Variants in SOX5 observed in about 807,000 individuals in gnomAD.
SOX5 encodes SRY-box transcription factor 5, also known as transcription factor SOX-5.
A neutral mutation model predicts 92.0 loss-of-function variants in SOX5; 9 were observed. The observed-to-expected ratio is 0.10, with a 90% CI of 0.06 to 0.17. SOX5 has a LOEUF of 0.17. SOX5 is among the 10% of genes least tolerant of loss of function. The pLI is 1.00. For missense variants in SOX5, 642 were observed against 944.5 expected, an observed-to-expected ratio of 0.68 and a Z score of 4.20; for synonymous variants, 344 against 336.3, an observed-to-expected ratio of 1.02 and a Z score of -0.25.
chr12:24,302,687 C>A (rs1286462701), intron 2 of SOX5, among the ~76,000 whole-genome samples: 2 of 151,776 alleles, frequency 1.3e-5, no homozygotes. Context: ...AGTTGCAGCC[C>A]ACAGCAAATG....
In SOX5 at chr12:23,670,810, C is replaced by CCAT. The variant is rs3030246; in HGVS notation, c.811-5247_811-5246insATG. On this transcript the variant is annotated intron_variant, in intron 6 of 14. Transcript: ENST00000451604. ...GTGAGAAATGAAAGAGCAAGCAAAA[C>CCAT]CACAGACATTAAAAAGAGTGATAGA... is the stretch of plus-strand genomic sequence containing the variant. Among the ~76,000 whole-genome samples, 1,612 of 151,624 alleles carry CCAT rather than the reference C, an allele frequency of 0.011. 68 individuals carry two copies. The East Asian group carries it at 0.14, about 14-fold the overall frequency.
intron 5 of SOX5, 35 bp downstream of exon 5, chr12:23,740,832 T>G: frequency 6.4e-7 from 1 of 1,565,690 alleles, no homozygotes; most frequent in Non-Finnish European, 8.7e-7. Flanking sequence ...AAGTAATGTC[T>G]GAGGAATATG....
intron 2 of SOX5, among the ~76,000 whole-genome samples, chr12:24,361,761 A>C (rs1955589888): frequency 6.6e-6 from 1 of 152,182 alleles, no homozygotes; most frequent in African/African-American, 2.4e-5. Flanking sequence ...GACAGGACAA[A>C]CTGAGCCCTG....
Position 23,932,308 on chromosome 12 carries a change from G to A in SOX5, c.38+17256C>T, listed in dbSNP as rs572897287. Among the ~76,000 whole-genome samples, 9 of 151,726 alleles carry A rather than the reference G, an allele frequency of 5.9e-5. No homozygotes were observed. In the East Asian group the frequency reaches 1.7e-3, roughly 29 times the overall value. On this transcript the variant is annotated intron_variant, in intron 1 of 14. Coordinates refer to ENST00000451604, the MANE Select transcript of SOX5 (RefSeq NM_006940.6). ...ATGTCAATGTCAAGGCAAAGAGATG[G>A]CAGGGTGCTATTTATACTTTAAAGG...
intron 4 of SOX5, among the ~76,000 whole-genome samples, chr12:23,976,398 C>CAAAAAAAAAAAAAAAAAAAAAAAA (rs139277769): frequency 9.4e-6 from 1 of 106,776 alleles, no homozygotes; most frequent in Admixed American, 1.1e-4. Context: ...ATTAAAAAAA[C>CAAAAAAAAAAAAAAAAAAAAAAAA]AAAAAAACAA....
At chr12:23,610,645 T>C (rs1281665891) in intron 8 of SOX5, among the ~76,000 whole-genome samples, 1 of 152,116 alleles carries the variant, frequency 6.6e-6, no homozygotes, top group Admixed American at 6.6e-5. Flanking sequence ...TTGGCATGCT[T>C]GTACAATCCA....
intron 4 of SOX5, among the ~76,000 whole-genome samples, chr12:24,073,955 T>A (rs912006662): frequency 2.0e-5 from 3 of 152,078 alleles, no homozygotes; most frequent in African/African-American, 4.8e-5. Flanking sequence ...AGAGAAAAGG[T>A]GAGACTTCTA....
chr12:23,601,117 T>G (rs1191911379), intron 9 of SOX5, among the ~76,000 whole-genome samples: 1 of 152,096 alleles, frequency 6.6e-6, no homozygotes, highest in Non-Finnish European at 1.5e-5. Context: ...CCTTTCTCTC[T>G]CGCGCACACA....
chr12:23,968,758 T>C (rs1947885538), intron 4 of SOX5, among the ~76,000 whole-genome samples: 1 of 152,202 alleles, frequency 6.6e-6, no homozygotes, highest in Admixed American at 6.5e-5. Context: ...TTACTTCCAT[T>C]GCAGCAGGAC....
At chr12:24,347,203 C>G (rs1294609418) in intron 2 of SOX5, among the ~76,000 whole-genome samples, 1 of 152,104 alleles carries the variant, frequency 6.6e-6, no homozygotes, top group East Asian at 1.9e-4. Flanking sequence ...TAAGTTGAAT[C>G]CATGTGAATG....
In SOX5 at chr12:24,372,290, AG is replaced by A. The variant is rs575230804; in HGVS notation, c.-250-3652del. On this transcript the variant is annotated intron_variant, in intron 1 of 4. Coordinates refer to the SOX5 transcript ENST00000446891. ...CTAATGCTATCCCCACTAGCCCCCC[AG>A]CCCCCAACAGGCCCCAGTGTGTGAT... Among the ~76,000 whole-genome samples, 456 of 151,920 alleles carry A rather than the reference AG, an allele frequency of 3.0e-3. 2 individuals carry two copies. Among genetic ancestry groups the A allele is most frequent in the Middle Eastern group, 0.014 (4 of 294 alleles).
chr12:23,684,135 C>T (rs992479590), intron 6 of SOX5, among the ~76,000 whole-genome samples: 2 of 151,980 alleles, frequency 1.3e-5, no homozygotes, highest in Admixed American at 1.3e-4. Context: ...ATGTGCTCTA[C>T]TCTTAGTTCC....
chr12:24,145,501 C>T (rs1950990430), intron 4 of SOX5, among the ~76,000 whole-genome samples: 1 of 151,860 alleles, frequency 6.6e-6, no homozygotes, highest in Non-Finnish European at 1.5e-5. Flanking sequence ...AACACAATAA[C>T]TCTTTTTTTC....
At chr12:23,722,661 T>C (rs554358577) in intron 6 of SOX5, among the ~76,000 whole-genome samples, 2 of 152,314 alleles carry the variant, frequency 1.3e-5, no homozygotes, top group Admixed American at 1.3e-4. Context: ...TACATACACA[T>C]ATACCACAAT....
At chr12:24,269,790 T>G (rs1315280328) in intron 3 of SOX5, among the ~76,000 whole-genome samples, 1 of 147,796 alleles carries the variant, frequency 6.8e-6, no homozygotes, top group African/African-American at 2.5e-5. Flanking sequence ...GGTATTCTAC[T>G]GACTCAGCTT....
At chr12:23,954,490 C>A (rs1946046307), upstream of SOX5, among the ~76,000 whole-genome samples, 1 of 151,798 alleles carries the variant, frequency 6.6e-6, no homozygotes. Flanking sequence ...AAGGAAACTT[C>A]CAACCAATAT....
chr12:24,345,923 C>T (rs1056477212), intron 2 of SOX5, among the ~76,000 whole-genome samples: 1 of 152,160 alleles, frequency 6.6e-6, no homozygotes, highest in African/African-American at 2.4e-5. Context: ...TCTAGGTACA[C>T]CTTTCCTTCT....
intron 4 of SOX5, among the ~76,000 whole-genome samples, chr12:24,106,894 A>G (rs910593052): frequency 4.0e-5 from 6 of 151,528 alleles, no homozygotes; most frequent in African/African-American, 7.3e-5. Context: ...AAATACCCTA[A>G]AAGAGATTAT....
intron 1 of SOX5, among the ~76,000 whole-genome samples, chr12:24,469,371 A>G (rs1944556194): frequency 6.6e-6 from 1 of 152,118 alleles, no homozygotes; most frequent in Non-Finnish European, 1.5e-5. Context: ...TGGGGACCTG[A>G]TCTAAACTTT....
Sources: allele counts gnomAD v4.1 joint callset (sites outside exome capture counted in the v4.1 genomes callset), GRCh38; gene constraint gnomAD v4.1.1; transcripts MANE v1.5; gene names NCBI Gene and HGNC (gene_info 2026-07-23, HGNC 2026-07-21).